FTCDNL1: variants seen among roughly 807,000 people sequenced by gnomAD.
The protein encoded by FTCDNL1 is formiminotransferase N-terminal subdomain-containing protein.
A neutral mutation model predicts 5.9 loss-of-function variants in FTCDNL1; 11 were observed. The observed-to-expected ratio is 1.87, with a 90% confidence interval of 1.18 to 3.10. FTCDNL1 has a LOEUF of 3.10. Ranked by LOEUF, FTCDNL1 falls within the 30% of genes most tolerant of loss-of-function variation. The probability of loss-of-function intolerance (pLI) is 0.00; values close to 1 mark genes in which losing one functional copy is unlikely to be tolerated. For missense variants in FTCDNL1, 115 were observed against 65.5 expected, an observed-to-expected ratio of 1.76 and a Z score of -2.61; for synonymous variants, 58 against 24.8, an observed-to-expected ratio of 2.34 and a Z score of -3.99.
chr2:199,704,535 G>A, the FTCDNL1 span, among the ~76,000 whole-genome samples: 4 of 152,120 alleles, frequency 2.6e-5, no homozygotes, highest in African/African-American at 9.7e-5. Flanking sequence ...GTTGATCAGA[G>A]TGAAATGAGA....
At chr2:199,841,789 T>G (rs548995140) in intron 3 of FTCDNL1, among the ~76,000 whole-genome samples, 8 of 152,328 alleles carry the variant, frequency 5.3e-5, no homozygotes, top group Middle Eastern at 3.4e-3. Context: ...TCTATTCTCT[T>G]AGGCCAATAT....
intron 3 of FTCDNL1, among the ~76,000 whole-genome samples, chr2:199,771,491 T>A (rs1175101239): frequency 6.6e-6 from 1 of 152,216 alleles, no homozygotes; most frequent in Non-Finnish European, 1.5e-5. Context: ...CAAGAATTCA[T>A]GATAAATACA....
At chr2:199,738,532 T>C in the FTCDNL1 span, among the ~76,000 whole-genome samples, 2 of 152,220 alleles carry the variant, frequency 1.3e-5, no homozygotes, top group African/African-American at 4.8e-5. Context: ...GCATTGCTTT[T>C]TTTTTCCCCC....
At chr2:199,685,451 A>G in the FTCDNL1 span, among the ~76,000 whole-genome samples, 2 of 152,070 alleles carry the variant, frequency 1.3e-5, no homozygotes, top group Admixed American at 1.3e-4. Context: ...TTCGGACCCC[A>G]TGTTCATTTA....
the FTCDNL1 span, among the ~76,000 whole-genome samples, chr2:199,712,452 G>A: frequency 6.6e-6 from 1 of 152,156 alleles, no homozygotes; most frequent in Admixed American, 6.6e-5. Context: ...TACCTAGAAT[G>A]TACTGTTCAA....
At chr2:199,813,060 A>C (rs1249535977) in intron 4 of FTCDNL1, among the ~76,000 whole-genome samples, 2 of 152,206 alleles carry the variant, frequency 1.3e-5, no homozygotes, top group African/African-American at 4.8e-5. Context: ...AAATGCACTT[A>C]ATTAACATCT....
At chr2:199,845,965 A>C in intron 3 of FTCDNL1, 110 bp downstream of exon 3, 1 of 513,126 alleles carries the variant, frequency 1.9e-6, no homozygotes, top group Non-Finnish European at 3.5e-6. Flanking sequence ...CTCTTTACTT[A>C]ATAGAGGGGA....
chr2:199,840,764 T>C (rs967025623), intron 3 of FTCDNL1, among the ~76,000 whole-genome samples: 1 of 152,074 alleles, frequency 6.6e-6, no homozygotes, highest in African/African-American at 2.4e-5. Flanking sequence ...TATGTGATTT[T>C]TAGCTACATG....
At chr2:199,763,303 C>G (rs976214073) in intron 3 of FTCDNL1, among the ~76,000 whole-genome samples, 2 of 152,184 alleles carry the variant, frequency 1.3e-5, no homozygotes, top group African/African-American at 2.4e-5. Context: ...GTCCTCTCCC[C>G]CAGCGTGACT....
At chr2:199,799,140 G>A (rs1308727987) in intron 3 of FTCDNL1, among the ~76,000 whole-genome samples, 1 of 152,114 alleles carries the variant, frequency 6.6e-6, no homozygotes, top group African/African-American at 2.4e-5. Flanking sequence ...CATGTGCTAC[G>A]CTGAAAATAA....
At chr2:199,844,485 T>C (rs1417358273) in intron 3 of FTCDNL1, 7 of 666,150 alleles carry the variant, frequency 1.1e-5, no homozygotes, top group Non-Finnish European at 1.9e-5. Context: ...TGAACTTCCA[T>C]ATCGATAGCC....
chr2:199,756,724 T>C (rs1559163213), downstream of FTCDNL1, among the ~76,000 whole-genome samples: 2 of 152,208 alleles, frequency 1.3e-5, no homozygotes, highest in African/African-American at 4.8e-5. Flanking sequence ...CAGTAACAAA[T>C]ACTTCCAAAT....
At chr2:199,671,496 C>T in the FTCDNL1 span, among the ~76,000 whole-genome samples, 2 of 152,132 alleles carry the variant, frequency 1.3e-5, no homozygotes, top group South Asian at 2.1e-4. Context: ...ACCTCCCAAA[C>T]TCTCTTACAT....
At chr2:199,691,705 G>T in the FTCDNL1 span, among the ~76,000 whole-genome samples, 10 of 152,186 alleles carry the variant, frequency 6.6e-5, no homozygotes, top group South Asian at 2.1e-3. Context: ...AATAATGTGG[G>T]TAACTCTTCC....
chr2:199,818,690 T>C (rs969097799), intron 4 of FTCDNL1: 6 of 152,084 alleles, frequency 3.9e-5, no homozygotes, highest in African/African-American at 1.4e-4. Flanking sequence ...CAAAGACCTA[T>C]GTGTAAATGA....
At chr2:199,795,710 C>T (rs1700138882) in intron 3 of FTCDNL1, among the ~76,000 whole-genome samples, 2 of 152,210 alleles carry the variant, frequency 1.3e-5, no homozygotes. Flanking sequence ...GCTGGCACTT[C>T]TTCCAAAACT....
chr2:199,822,206 C>A (rs1701737467), intron 3 of FTCDNL1, among the ~76,000 whole-genome samples: 1 of 152,066 alleles, frequency 6.6e-6, no homozygotes, highest in South Asian at 2.1e-4. Context: ...AGTTTGAGAC[C>A]AGCCTGGGCA....
At chr2:199,805,676 T>A (rs1700688840), downstream of FTCDNL1, among the ~76,000 whole-genome samples, 1 of 151,966 alleles carries the variant, frequency 6.6e-6, no homozygotes, top group African/African-American at 2.4e-5. Context: ...GAGACGAAGG[T>A]TGCAGTGAGC....
intron 4 of FTCDNL1, among the ~76,000 whole-genome samples, chr2:199,814,731 C>A (rs1224693582): frequency 2.6e-5 from 4 of 152,146 alleles, no homozygotes; most frequent in African/African-American, 7.2e-5. Context: ...GGCTTCCTAG[C>A]CAGCATCAGC....
Sources: allele counts gnomAD v4.1 joint callset (sites outside exome capture counted in the v4.1 genomes callset), GRCh38; gene constraint gnomAD v4.1.1; transcripts MANE v1.5; gene names NCBI Gene and HGNC (gene_info 2026-07-23, HGNC 2026-07-21).